INO80: variants seen among roughly 807,000 people sequenced by gnomAD.
INO80 encodes chromatin-remodeling ATPase INO80.
INO80 carries 20 observed loss-of-function variants against 203.4 expected under a neutral mutation model. The ratio of observed to expected loss-of-function variants is 0.10; its 90% CI spans 0.07 to 0.14. The LOEUF (loss-of-function observed/expected upper bound fraction) is 0.14, where lower values mean the gene tolerates loss of function less well. Among genes scored for constraint, INO80 ranks in the 10% least tolerant of loss-of-function variants. The probability of loss-of-function intolerance (pLI) is 1.00; values close to 1 mark genes in which losing one functional copy is unlikely to be tolerated. For missense variants in INO80, 1,419 were observed against 1,914.4 expected, an observed-to-expected ratio of 0.74 and a Z score of 4.83; for synonymous variants, 726 against 685.2, an observed-to-expected ratio of 1.06 and a Z score of -0.93.
intron 1 of INO80, among the ~76,000 whole-genome samples, chr15:41,110,308 C>T (rs937945199): frequency 3.3e-5 from 5 of 151,736 alleles, no homozygotes; most frequent in Non-Finnish European, 7.4e-5. Context: ...GCACACTCAC[C>T]CAATTTTTGT....
chr15:41,104,281 C>T (rs1407618799), intron 1 of INO80, among the ~76,000 whole-genome samples: 2 of 149,732 alleles, frequency 1.3e-5, no homozygotes, highest in Non-Finnish European at 3.0e-5. Flanking sequence ...TACTGTATTG[C>T]TAAGGATGAA....
chr15:41,072,083 T>G, intron 11 of INO80, 25 bp from the exon 12 acceptor site: 1 of 1,268,646 alleles, frequency 7.9e-7, no homozygotes, highest in Non-Finnish European at 1.1e-6. Flanking sequence ...AAAAAAAAAT[T>G]AGAAAAAAAA....
chr15:40,982,781 C>CT (rs1259540476), intron 35 of INO80, 81 bp downstream of exon 35: 3 of 1,180,322 alleles, frequency 2.5e-6, no homozygotes, highest in Non-Finnish European at 3.6e-6. Context: ...TCAGGGTTTC[C>CT]TACATGTTCT....
At chr15:41,061,639 T>TA (rs1237418478) in intron 14 of INO80, among the ~76,000 whole-genome samples, 7 of 150,856 alleles carry the variant, frequency 4.6e-5, no homozygotes, top group African/African-American at 9.7e-5. Context: ...ATAAATAAAA[T>TA]AAAAAAATTT....
intron 24 of INO80, among the ~76,000 whole-genome samples, chr15:41,032,043 CACAGCACAGCACAGCACAGG>C (rs2044491883): frequency 3.3e-5 from 3 of 91,192 alleles, no homozygotes; most frequent in Non-Finnish European, 6.8e-5. Context: ...CACAGCACAG[CACAGCACAGCACAGCACAGG>C]ACAGCACAGG....
At chr15:41,111,727 C>T (rs964566826) in intron 1 of INO80, among the ~76,000 whole-genome samples, 5 of 151,618 alleles carry the variant, frequency 3.3e-5, no homozygotes, top group Admixed American at 6.6e-5. Context: ...CACTTGAACT[C>T]GGGAGGCGGA....
chr15:41,066,639 G>A (rs1210085458), intron 14 of INO80, among the ~76,000 whole-genome samples: 1 of 151,568 alleles, frequency 6.6e-6, no homozygotes, highest in Non-Finnish European at 1.5e-5. Context: ...GACCAGCCTT[G>A]GCAACATAGC....
chr15:41,017,004 A>C (rs1339759153), intron 26 of INO80: 1 of 151,186 alleles, frequency 6.6e-6, no homozygotes, highest in Non-Finnish European at 1.5e-5. Flanking sequence ...TTTTTTTTAA[A>C]CCCAAAACTA....
intron 18 of INO80, 61 bp downstream of exon 18, chr15:41,055,186 G>A (rs986314287): frequency 2.5e-6 from 2 of 794,914 alleles, no homozygotes; most frequent in Admixed American, 5.0e-5. Flanking sequence ...AAGAAAATAT[G>A]CAATTACGTG....
chr15:40,997,485 G>T, intron 29 of INO80, 44 bp downstream of exon 29: 1 of 1,276,120 alleles, frequency 7.8e-7, no homozygotes, highest in Non-Finnish European at 1.1e-6. Context: ...AGGTTTCATA[G>T]TAGAAAACCT....
At chr15:40,996,905 C>T (rs1181131759) in intron 29 of INO80, among the ~76,000 whole-genome samples, 2 of 152,144 alleles carry the variant, frequency 1.3e-5, no homozygotes, top group Non-Finnish European at 2.9e-5. Flanking sequence ...TCTGTTTTCC[C>T]TGATGTACCC....
chr15:40,996,748 G>C (rs762548813), intron 29 of INO80, among the ~76,000 whole-genome samples: 40 of 152,226 alleles, frequency 2.6e-4, no homozygotes, highest in Middle Eastern at 6.8e-3. Context: ...CCTTTTCATT[G>C]CTCTCCAACC....
At chr15:40,994,457 G>A (rs948939024) in intron 29 of INO80, among the ~76,000 whole-genome samples, 2 of 151,958 alleles carry the variant, frequency 1.3e-5, no homozygotes, top group African/African-American at 2.4e-5. Context: ...TCTGCCTCCC[G>A]GGTTCAAGCA....
intron 5 of INO80, among the ~76,000 whole-genome samples, chr15:41,089,571 G>A (rs539467277): frequency 1.3e-5 from 2 of 151,964 alleles, no homozygotes; most frequent in African/African-American, 2.4e-5. Flanking sequence ...TTGAAAAACC[G>A]TATCTCTACT....
intron 12 of INO80, among the ~76,000 whole-genome samples, chr15:41,070,816 A>G (rs745782827): frequency 1.3e-5 from 2 of 152,232 alleles, no homozygotes; most frequent in Non-Finnish European, 2.9e-5. Flanking sequence ...CCAAGTCCAT[A>G]TAAGACAAAC....
intron 18 of INO80, 30 bp downstream of exon 18, chr15:41,055,217 G>A (rs2044961467): frequency 7.7e-7 from 1 of 1,291,830 alleles, no homozygotes. Flanking sequence ...CTGATAGGTA[G>A]ATAGAAAGCC....
chr15:41,041,589 C>A (rs1414476828), intron 24 of INO80, among the ~76,000 whole-genome samples: 5 of 151,776 alleles, frequency 3.3e-5, no homozygotes, highest in Non-Finnish European at 7.4e-5. Context: ...TACAGGCGCA[C>A]ACCGCCACGC....
chr15:41,089,691 C>T lies in INO80; in HGVS notation c.538-2009G>A, dbSNP rs1216400965. 5.3e-5 allele frequency among the ~76,000 whole-genome samples: 8 copies of T among 150,932 alleles called. No individual in the cohort carries two copies. In the South Asian group the frequency reaches 6.2e-4, roughly 12 times the overall value. On this transcript the variant is annotated intron_variant, in intron 5 of 35. Coordinates refer to ENST00000648947, the MANE Select transcript of INO80 (RefSeq NM_017553.3). ...TCAGAAGGCGGAGGTGGCAGTGAGCCGAGATCACGCCATTGCACTCGAGCC... is the reference window on the plus strand; with the variant it reads ...TCAGAAGGCGGAGGTGGCAGTGAGCTGAGATCACGCCATTGCACTCGAGCC...
intron 14 of INO80, among the ~76,000 whole-genome samples, chr15:41,062,847 C>T (rs1344227958): frequency 6.6e-6 from 1 of 152,162 alleles, no homozygotes; most frequent in Non-Finnish European, 1.5e-5. Flanking sequence ...ACAAATAAAT[C>T]TCTTTTCTTT....
Sources: allele counts gnomAD v4.1 joint callset (sites outside exome capture counted in the v4.1 genomes callset), GRCh38; gene constraint gnomAD v4.1.1; transcripts MANE v1.5; gene names NCBI Gene and HGNC (gene_info 2026-07-23, HGNC 2026-07-21).